The following BAG2 variants were observed in gnomAD, a reference collection of about 807,000 sequenced individuals.
BAG2 encodes BAG family molecular chaperone regulator 2.
BAG2 carries 8 observed loss-of-function variants against 16.4 expected under a neutral mutation model. The observed-to-expected ratio is 0.49, with a 90% CI of 0.29 to 0.88. The LOEUF (loss-of-function observed/expected upper bound fraction) is 0.88, where lower values mean the gene tolerates loss of function less well. BAG2 is among the 40% of genes least tolerant of loss of function. BAG2 has a pLI of 0.09. For synonymous variants in BAG2, 82 were observed against 89.2 expected (o/e 0.92, Z 0.46); for missense variants, 218 against 248.9 (o/e 0.88, Z 0.84).
At chr6:57,183,407 G>C (rs994205855) in intron 2 of BAG2, among the ~76,000 whole-genome samples, 2 of 152,252 alleles carry the variant, frequency 1.3e-5, no homozygotes, top group East Asian at 3.9e-4. Flanking sequence ...TGCACATGTC[G>C]TTCTGGAGAG....
intron 1 of BAG2, among the ~76,000 whole-genome samples, chr6:57,175,474 A>G (rs1422792938): frequency 6.6e-6 from 1 of 152,158 alleles, no homozygotes; most frequent in East Asian, 1.9e-4. Flanking sequence ...ATTGTGGGTC[A>G]AAAGACTCTC....
rs115224295 is a variant in BAG2, at chr6:57,172,876, G to A, written c.113+66G>A. ...CGCGGGCGGTTCGCGGGCGGTTAGC[G>A]GACGGAGGCCGCGTGTGGCGGGCCG... On this transcript the variant is annotated intron_variant, in intron 1 of 2. Coordinates refer to ENST00000370693, the MANE Select transcript of BAG2 (RefSeq NM_004282.4). The A allele has an allele frequency of 2.4e-3, 3,101 of 1,310,232 alleles. 57 individuals carry two copies. In the African/African-American group the frequency reaches 0.042, roughly 18 times the overall value. 81.2% of individuals were successfully genotyped at this position (1,310,232 alleles called of 1,614,324 possible).
At chr6:57,180,582 G>A (rs1423897833) in intron 1 of BAG2, among the ~76,000 whole-genome samples, 1 of 152,090 alleles carries the variant, frequency 6.6e-6, no homozygotes, top group African/African-American at 2.4e-5. Flanking sequence ...TGGGGAAAAT[G>A]GCTATTTGGA....
chr6:57,180,008 A>G (rs1466390895), intron 1 of BAG2, among the ~76,000 whole-genome samples: 1 of 152,136 alleles, frequency 6.6e-6, no homozygotes, highest in Admixed American at 6.6e-5. Flanking sequence ...AAAACTGCAG[A>G]TGATATGGAT....
intron 1 of BAG2, chr6:57,173,116 A>G: frequency 9.6e-7 from 1 of 1,046,922 alleles, no homozygotes; most frequent in South Asian, 4.2e-5. Flanking sequence ...CAGAGGAGAT[A>G]AAAGTTACAG....
rs1367579514 is a variant in BAG2, at chr6:57,172,823, C to T, written c.113+13C>T. ...AGCTGGAGCTCAGGTGAGCTCCGGG[C>T]GGGCGGTCTCGGGCGTTCTGCTCGC... On this transcript the variant is annotated intron_variant, in intron 1 of 2. Transcript: ENST00000370693. 1.4e-6 allele frequency: 2 copies of T among 1,477,694 alleles called. No homozygotes were observed. The highest frequency in any genetic ancestry group is 2.5e-5 in the Admixed American group (1 of 40,670). 91.5% of individuals were successfully genotyped at this position (1,477,694 alleles called of 1,614,324 possible). A position where few individuals can be genotyped will look rare whatever the true frequency, so the allele number is the denominator to read the frequency against.
At position 57,186,141 on chromosome 6, in the gene BAG2, C is replaced by G. The variant is rs910742013; in HGVS notation, c.*1951C>G. On this transcript the variant is annotated 3_prime_UTR_variant, in exon 3 of 3. Transcript: ENST00000370693. ...TTGTTTTTTGTTTTGGAGTCTTGCT[C>G]TGTCACCCAGGCTGTCTGACAAGTA... 1 of 152,474 alleles carries G rather than the reference C, an allele frequency of 6.6e-6. No individual in the cohort carries two copies. Among genetic ancestry groups the G allele is most frequent in the Non-Finnish European group, 1.5e-5 (1 of 68,420 alleles). The allele number at this position is 152,474 out of a possible 1,614,324, so 9.4% of individuals were successfully genotyped here.
At chr6:57,182,559 G>A (rs1454962705) in intron 2 of BAG2, among the ~76,000 whole-genome samples, 2 of 147,978 alleles carry the variant, frequency 1.4e-5, no homozygotes, top group Admixed American at 6.7e-5. Context: ...AAGATGAATT[G>A]AGGTACAACA....
chr6:57,174,222 C>T, intron 1 of BAG2: 1 of 1,145,770 alleles, frequency 8.7e-7, no homozygotes, highest in African/African-American at 1.6e-5. Context: ...TAACAAGTAA[C>T]ACACATCTCT....
At position 57,172,345 on chromosome 6, in the gene BAG2, T is replaced by G; in HGVS notation, c.-353T>G. On this transcript the variant is annotated 5_prime_UTR_variant, in exon 1 of 3. Transcript: ENST00000370693. ...GGGAGCAGACGATCCGCTAGCCACA[T>G]TAGGCGCTCGGTCTCTGCGTCCGCC... is the stretch of plus-strand genomic sequence containing the variant. 6.2e-6 allele frequency: 1 copy of G among 161,164 alleles called. No homozygotes were observed. Among genetic ancestry groups the G allele is most frequent in the Non-Finnish European group, 1.3e-5 (1 of 74,246 alleles). 10.0% of individuals were successfully genotyped at this position (161,164 alleles called of 1,614,324 possible).
chr6:57,185,060 TTTTG>T lies in BAG2; in HGVS notation c.*874_*877del, dbSNP rs1446637174. 6.6e-6 allele frequency: 1 copy of T among 152,206 alleles called. No individual in the cohort carries two copies. The highest frequency in any genetic ancestry group is 1.5e-5 in the Non-Finnish European group (1 of 68,032). 9.4% of individuals were successfully genotyped at this position (152,206 alleles called of 1,614,324 possible). A position where few individuals can be genotyped will look rare whatever the true frequency, so the allele number is the denominator to read the frequency against. ...ACACAGGACTTTTTCCTTCTTTCAT[TTTTG>T]TTTTTCTCTGTATAAAGGCCCAGCA... On this transcript the variant is annotated 3_prime_UTR_variant, in exon 3 of 3. Transcript: ENST00000370693.
chr6:57,176,864 A>T (rs1764299207), intron 1 of BAG2, among the ~76,000 whole-genome samples: 1 of 150,824 alleles, frequency 6.6e-6, no homozygotes, highest in African/African-American at 2.5e-5. Flanking sequence ...GAGGGCACAT[A>T]CTCTCTCTCC....
intron 1 of BAG2, among the ~76,000 whole-genome samples, chr6:57,177,131 T>A (rs1275826133): frequency 6.6e-6 from 1 of 152,182 alleles, no homozygotes; most frequent in Non-Finnish European, 1.5e-5. Context: ...AGAACCTGTT[T>A]TAGGCCAGGC....
chr6:57,175,693 G>A (rs1468256799), intron 1 of BAG2, among the ~76,000 whole-genome samples: 3 of 152,218 alleles, frequency 2.0e-5, no homozygotes, highest in Non-Finnish European at 2.9e-5. Context: ...AAAAAGGACA[G>A]GGTTTGGAGA....
chr6:57,188,833 T>TTTAC lies in BAG2; in HGVS notation c.*4646_*4649dup, dbSNP rs1764717952. On this transcript the variant is annotated 3_prime_UTR_variant, in exon 3 of 3. Coordinates refer to ENST00000370693, the MANE Select transcript of BAG2 (RefSeq NM_004282.4). ...TCCATCTAAAATGGCAAAGAGAACA[T>TTTAC]TTACTTTTGATCACTTAACAAGGAC... 1 of 152,164 alleles carries TTTAC rather than the reference T, an allele frequency of 6.6e-6. No individual in the cohort carries two copies. The highest frequency in any genetic ancestry group is 2.4e-5 in the African/African-American group (1 of 41,440). 9.4% of individuals were successfully genotyped at this position (152,164 alleles called of 1,614,324 possible).
intron 1 of BAG2, among the ~76,000 whole-genome samples, chr6:57,180,182 A>C (rs753698863): frequency 1.1e-4 from 17 of 152,222 alleles, no homozygotes; most frequent in Non-Finnish European, 8.8e-5. Flanking sequence ...AGCAATATCC[A>C]CGAAGACTAC....
In BAG2 at chr6:57,185,198, A is replaced by G. The variant is rs1399698228; in HGVS notation, c.*1008A>G. ...TTATACTTTTTTCAGTAATTAAAATATAGCTATTTCACTGAAATATTTCCA... is the reference window on the plus strand; with the variant it reads ...TTATACTTTTTTCAGTAATTAAAATGTAGCTATTTCACTGAAATATTTCCA... On this transcript the variant is annotated 3_prime_UTR_variant, in exon 3 of 3. Coordinates refer to ENST00000370693, the MANE Select transcript of BAG2 (RefSeq NM_004282.4). 1 of 152,200 alleles carries G rather than the reference A, an allele frequency of 6.6e-6. No homozygotes were observed. Among genetic ancestry groups the G allele is most frequent in the Non-Finnish European group, 1.5e-5 (1 of 68,016 alleles). 9.4% of individuals were successfully genotyped at this position (152,200 alleles called of 1,614,324 possible). A position where few individuals can be genotyped will look rare whatever the true frequency, so the allele number is the denominator to read the frequency against.
At chr6:57,183,319 T>C (rs187428426) in intron 2 of BAG2, among the ~76,000 whole-genome samples, 163 of 152,348 alleles carry the variant, frequency 1.1e-3, no homozygotes, top group African/African-American at 3.3e-3. Flanking sequence ...GTGCCTAGTA[T>C]TGACGACAGA....
chr6:57,184,053 C>A lies in BAG2; in HGVS notation c.499C>A (p.Gln167Lys), dbSNP rs747548777. The A allele has an allele frequency of 6.2e-7, 1 of 1,612,268 alleles. No homozygotes were observed. Among genetic ancestry groups the A allele is most frequent in the East Asian group, 2.2e-5 (1 of 44,872 alleles). ...SIVIGCALED[Q>K]KKIKRRLETL... ...AGTAATTGGCTGTGCTCTTGAAGAT[C>A]AGAAGAAAATTAAGAGAAGATTAGA... is the stretch of plus-strand genomic sequence containing the variant. Residue 167 changes from glutamine to lysine, a missense_variant, in exon 3 of 3, where the codon CAG becomes AAG. Physicochemically the swap from Gln to Lys is moderately conservative, Grantham distance 53. Coordinates refer to ENST00000370693, the MANE Select transcript of BAG2 (RefSeq NM_004282.4).
Sources: gnomAD v4.1 joint callset for allele counts (sites outside exome capture counted in the v4.1 genomes callset) on GRCh38, gnomAD v4.1.1 for gene constraint, MANE v1.5 for transcripts, NCBI Gene and HGNC (gene_info 2026-07-23, HGNC 2026-07-21) for gene names.